RGS5: variants seen among roughly 807,000 people sequenced by gnomAD.
RGS5 encodes regulator of G-protein signalling 5.
RGS5 carries 20 observed loss-of-function variants against 18.9 expected under a neutral mutation model. The observed-to-expected ratio is 1.06, with a 90% CI of 0.74 to 1.54. The LOEUF (loss-of-function observed/expected upper bound fraction) is 1.54. Ranked by LOEUF, RGS5 falls within the 40% of genes most tolerant of loss-of-function variation. The probability of loss-of-function intolerance (pLI) is 0.00; values close to 1 mark genes in which losing one functional copy is unlikely to be tolerated. For missense variants in RGS5, 201 were observed against 211.8 expected, an observed-to-expected ratio of 0.95 and a Z score of 0.32; for synonymous variants, 57 against 76.2, an observed-to-expected ratio of 0.75 and a Z score of 1.31.
intron 2 of RGS5, among the ~76,000 whole-genome samples, chr1:163,306,044 GA>G (rs1458606301): frequency 1.6e-4 from 24 of 152,014 alleles, no homozygotes; most frequent in African/African-American, 5.6e-4. Flanking sequence ...TTCACCATTA[GA>G]AAACTATCAT....
chr1:163,304,393 A>T (rs771275351), intron 2 of RGS5: 1 of 152,164 alleles, frequency 6.6e-6, no homozygotes. Context: ...TTATCTGCTC[A>T]CCAGGTGGGA....
intron 2 of RGS5, among the ~76,000 whole-genome samples, chr1:163,270,518 T>C (rs1648691997): frequency 6.6e-6 from 1 of 151,788 alleles, no homozygotes; most frequent in Admixed American, 6.6e-5. Context: ...ACCCTCTCTT[T>C]AAAAAGGAAA....
intron 2 of RGS5, among the ~76,000 whole-genome samples, chr1:163,236,931 A>T (rs113552616): frequency 6.6e-6 from 1 of 151,308 alleles, no homozygotes; most frequent in African/African-American, 2.4e-5. Context: ...ACTGCACTTC[A>T]GCCTGGGCAG....
rs758373977 is a variant in RGS5, at chr1:163,202,853, C to T, written c.-18G>A. 5 of 1,612,898 alleles carry T rather than the reference C, an allele frequency of 3.1e-6. No homozygotes were observed. In the Admixed American group the frequency reaches 8.4e-5, roughly 27 times the overall value. The stretch of plus-strand genomic sequence containing the variant: ...TTGCACATTTTGGCAGGTGGCTTAG[C>T]TCCTCCGCTTTAAGTACAACTTCTT... On this transcript the variant is annotated 5_prime_UTR_variant, in exon 1 of 5. Coordinates refer to ENST00000313961, the MANE Select transcript of RGS5 (RefSeq NM_003617.4).
chr1:163,276,314 T>A (rs1247115118), intron 2 of RGS5, among the ~76,000 whole-genome samples: 1 of 152,002 alleles, frequency 6.6e-6, no homozygotes, highest in East Asian at 1.9e-4. Context: ...TTTTAATCCA[T>A]CCCAACCATA....
chr1:163,314,698 C>A (rs948167948), intron 1 of RGS5, among the ~76,000 whole-genome samples: 1 of 151,994 alleles, frequency 6.6e-6, no homozygotes, highest in Non-Finnish European at 1.5e-5. Context: ...ATTCCAACTC[C>A]CAAGGTGATA....
upstream of RGS5, among the ~76,000 whole-genome samples, chr1:163,222,292 T>A (rs7551895): frequency 2.6e-5 from 4 of 151,818 alleles, no homozygotes; most frequent in South Asian, 4.2e-4. Flanking sequence ...AACTCTATTG[T>A]GAACTGTGCA....
intron 2 of RGS5, among the ~76,000 whole-genome samples, chr1:163,274,626 G>GA (rs1648806872): frequency 6.6e-6 from 1 of 152,218 alleles, no homozygotes; most frequent in Non-Finnish European, 1.5e-5. Flanking sequence ...TACCTGGCCT[G>GA]AAACTTGCAA....
chr1:163,163,158 A>T (rs962114089), intron 2 of RGS5, among the ~76,000 whole-genome samples: 1 of 152,104 alleles, frequency 6.6e-6, no homozygotes, highest in Non-Finnish European at 1.5e-5. Context: ...TTATGTAAGG[A>T]GTCCAAGACG....
At position 163,197,269 on chromosome 1, in the gene RGS5, C is replaced by A. The variant is rs146944976; in HGVS notation, c.44+5523G>T. The stretch of plus-strand genomic sequence containing the variant: ...ATCTCTGGGTCTCTGCACACACAGG[C>A]CTGTCCCCTTCACCTAGATGGCCTT... On this transcript the variant is annotated intron_variant, in intron 1 of 4. Coordinates refer to ENST00000313961, the MANE Select transcript of RGS5 (RefSeq NM_003617.4). Among the ~76,000 whole-genome samples the A allele has an allele frequency of 1.7e-3, 260 of 152,206 alleles. 3 individuals carry two copies. Among genetic ancestry groups the A allele is most frequent in the African/African-American group, 5.9e-3 (246 of 41,544 alleles).
At chr1:163,163,503 C>T (rs1015403107) in intron 2 of RGS5, among the ~76,000 whole-genome samples, 8 of 151,796 alleles carry the variant, frequency 5.3e-5, no homozygotes, top group Admixed American at 3.3e-4. Context: ...ATGGCATGAA[C>T]GGGGTGATTA....
In RGS5 at chr1:163,152,626, ATCT is replaced by A. The variant is rs1657418293; in HGVS notation, c.305_307del (p.Lys102del). 1 of 1,613,024 alleles carries A rather than the reference ATCT, an allele frequency of 6.2e-7. No homozygotes were observed. Among genetic ancestry groups the A allele is most frequent in the Non-Finnish European group, 8.5e-7 (1 of 1,179,372 alleles). On this transcript the variant is annotated inframe_deletion, in exon 4 of 5. Transcript: ENST00000313961. The stretch of plus-strand genomic sequence containing the variant: ...CTCAGCCATCTTGGCAGGGGACTTG[ATCT>A]TCTTGTAATCCTCACAGGCAATCCA...
At chr1:163,247,862 G>A (rs1485176606) in intron 2 of RGS5, among the ~76,000 whole-genome samples, 1 of 151,996 alleles carries the variant, frequency 6.6e-6, no homozygotes, top group Non-Finnish European at 1.5e-5. Flanking sequence ...CTAGCATAAC[G>A]TTGGCCCATG....
chr1:163,161,138 A>C (rs1657782061), intron 3 of RGS5, among the ~76,000 whole-genome samples: 1 of 152,214 alleles, frequency 6.6e-6, no homozygotes, highest in South Asian at 2.1e-4. Context: ...ATTTCAAGAG[A>C]GAGAGATATG....
chr1:163,205,184 C>T (rs1659914774), upstream of RGS5, among the ~76,000 whole-genome samples: 1 of 151,680 alleles, frequency 6.6e-6, no homozygotes, highest in Non-Finnish European at 1.5e-5. Flanking sequence ...GGAGGAGTTC[C>T]TATTCAATAA....
At chr1:163,150,851 T>G (rs955608513) in intron 4 of RGS5, among the ~76,000 whole-genome samples, 4 of 152,088 alleles carry the variant, frequency 2.6e-5, no homozygotes, top group African/African-American at 9.7e-5. Flanking sequence ...GAAATACATA[T>G]CTAATGGTGG....
rs550579435 is a variant in RGS5, at chr1:163,179,051, T to C, written c.45-10683A>G. On this transcript the variant is annotated intron_variant, in intron 1 of 4. Transcript: ENST00000313961. ...GTGGCAAAAATCCTGTCTCAGATTA[T>C]GTAACTGGAAGCTTGTAAAGCAAAT... is the stretch of plus-strand genomic sequence containing the variant. Among the ~76,000 whole-genome samples, 9 of 152,366 alleles carry C rather than the reference T, an allele frequency of 5.9e-5. No individual in the cohort carries two copies. The South Asian group carries it at 1.9e-3, about 32-fold the overall frequency.
chr1:163,226,356 G>A (rs1647335579), intron 2 of RGS5, among the ~76,000 whole-genome samples: 1 of 152,224 alleles, frequency 6.6e-6, no homozygotes, highest in Non-Finnish European at 1.5e-5. Flanking sequence ...AGAAACTGCA[G>A]GAAGCAGCTA....
chr1:163,160,453 A>G (rs1657756075), intron 3 of RGS5, among the ~76,000 whole-genome samples: 1 of 152,190 alleles, frequency 6.6e-6, no homozygotes, highest in Non-Finnish European at 1.5e-5. Flanking sequence ...TAGTTCATTC[A>G]CTCATTCACT....
Sources: gnomAD v4.1 joint callset for allele counts (sites outside exome capture counted in the v4.1 genomes callset) on GRCh38, gnomAD v4.1.1 for gene constraint, MANE v1.5 for transcripts, NCBI Gene and HGNC (gene_info 2026-07-23, HGNC 2026-07-21) for gene names.